Variants in FAM120A observed in about 807,000 individuals in gnomAD.
FAM120A encodes the protein family with sequence similarity 120 member A.
FAM120A carries 15 observed loss-of-function variants against 109.7 expected under a neutral mutation model. The observed-to-expected ratio is 0.14, with a 90% confidence interval of 0.09 to 0.21. FAM120A has a LOEUF of 0.21. Ranked by LOEUF, FAM120A falls within the 10% of genes least tolerant of loss-of-function variation. The pLI is 1.00. For synonymous variants in FAM120A, 493 were observed against 572.8 expected (o/e 0.86, Z 1.99); for missense variants, 899 against 1,439.3 (o/e 0.62, Z 6.07).
intron 12 of FAM120A, among the ~76,000 whole-genome samples, chr9:93,552,233 T>C (rs1055719804): frequency 6.6e-6 from 1 of 152,238 alleles, no homozygotes; most frequent in Non-Finnish European, 1.5e-5. Context: ...CATATCCTTT[T>C]CATTTTTGGA....
At chr9:93,554,838 C>T (rs1862239418) in intron 12 of FAM120A, among the ~76,000 whole-genome samples, 1 of 152,324 alleles carries the variant, frequency 6.6e-6, no homozygotes, top group South Asian at 2.1e-4. Context: ...TGGTGTAGGG[C>T]AGAGAGAGGG....
In FAM120A at chr9:93,550,676, G is replaced by C; in HGVS notation, c.2259G>C (p.Gln753His). ...ALSPKLYEPD[Q>H]LQELKIENLD... Reference sequence around the variant, plus strand: ...CCCCCAAACTCTACGAGCCTGATCAGCTCCAGGAGCTCAAGGTAATTTATC... The same window carrying C: ...CCCCCAAACTCTACGAGCCTGATCACCTCCAGGAGCTCAAGGTAATTTATC... The change falls in exon 12 of 18, where the codon CAG becomes CAC. Residue 753 changes from glutamine to histidine, a missense_variant. By Grantham distance (24) the Gln-to-His change is conservative. This residue lies in a region of FAM120A where 52 missense variants were observed against 49.7 expected (regional missense o/e 1.05). Transcript: ENST00000277165. 1 of 1,613,586 alleles carries C rather than the reference G, an allele frequency of 6.2e-7. No individual in the cohort carries two copies. The highest frequency in any genetic ancestry group is 8.5e-7 in the Non-Finnish European group (1 of 1,179,822).
At chr9:93,553,545 G>A (rs1392784710) in intron 12 of FAM120A, among the ~76,000 whole-genome samples, 1 of 152,200 alleles carries the variant, frequency 6.6e-6, no homozygotes, top group African/African-American at 2.4e-5. Flanking sequence ...CGGTCAGAGA[G>A]ATTAACTTCC....
chr9:93,493,304 C>G (rs115046917), intron 3 of FAM120A, among the ~76,000 whole-genome samples: 263 of 152,296 alleles, frequency 1.7e-3, no homozygotes, highest in Middle Eastern at 6.8e-3. Context: ...GTTCAAGTAA[C>G]AGCTCATAGA....
At chr9:93,474,429 G>T (rs4744242) in intron 2 of FAM120A, among the ~76,000 whole-genome samples, 39,959 of 151,974 alleles carry the variant, frequency 0.26, 6,486 homozygotes, top group East Asian at 0.43. Flanking sequence ...TTTCCCTTCT[G>T]TAATGGAAAG....
At chr9:93,453,178 G>A in intron 1 of FAM120A, 1 of 1,001,816 alleles carries the variant, frequency 1.0e-6, no homozygotes, top group Non-Finnish European at 1.2e-6. Flanking sequence ...CTACGCGGGC[G>A]TGAACTCGCA....
intron 11 of FAM120A, among the ~76,000 whole-genome samples, chr9:93,546,728 C>T (rs868140228): frequency 6.6e-6 from 1 of 152,238 alleles, no homozygotes; most frequent in Non-Finnish European, 1.5e-5. Flanking sequence ...GTCGGCAAGA[C>T]AGAAATGAAT....
chr9:93,534,492 G>A (rs1303482798), intron 10 of FAM120A, among the ~76,000 whole-genome samples: 1 of 152,144 alleles, frequency 6.6e-6, no homozygotes, highest in African/African-American at 2.4e-5. Flanking sequence ...GGAGGAAAGG[G>A]ACACAGGAGA....
chr9:93,466,429 A>G (rs1858021596), intron 1 of FAM120A, among the ~76,000 whole-genome samples: 6 of 151,992 alleles, frequency 3.9e-5, no homozygotes, highest in Admixed American at 3.9e-4. Context: ...CGTGTGACAC[A>G]TGCCATCCTT....
intron 1 of FAM120A, 77 bp from the exon 2 acceptor site, chr9:93,471,064 T>A: frequency 2.0e-6 from 3 of 1,520,478 alleles, no homozygotes; most frequent in Non-Finnish European, 2.7e-6. Context: ...TCAGCTTCTG[T>A]GCAAACATTT....
intron 10 of FAM120A, among the ~76,000 whole-genome samples, chr9:93,536,515 A>C (rs1861523219): frequency 6.6e-6 from 1 of 152,252 alleles, no homozygotes; most frequent in Admixed American, 6.5e-5. Flanking sequence ...TATCAGACAG[A>C]ACTATTCAAA....
chr9:93,473,108 G>A (rs577922335), intron 2 of FAM120A, among the ~76,000 whole-genome samples: 1 of 151,438 alleles, frequency 6.6e-6, no homozygotes, highest in East Asian at 1.9e-4. Context: ...ACCTCCACCT[G>A]CATGGTTCAA....
intron 2 of FAM120A, among the ~76,000 whole-genome samples, chr9:93,472,540 G>A (rs925703900): frequency 6.6e-6 from 1 of 152,204 alleles, no homozygotes; most frequent in Non-Finnish European, 1.5e-5. Context: ...TTGGGAAGCT[G>A]TGTGGTCTCT....
chr9:93,537,168 C>A (rs940252330), intron 10 of FAM120A, among the ~76,000 whole-genome samples: 3 of 152,212 alleles, frequency 2.0e-5, no homozygotes, highest in African/African-American at 7.2e-5. Context: ...CGAGTTTCTT[C>A]TACTCGTTCC....
intron 5 of FAM120A, among the ~76,000 whole-genome samples, chr9:93,511,180 T>A (rs1336681458): frequency 6.6e-6 from 1 of 152,176 alleles, no homozygotes; most frequent in African/African-American, 2.4e-5. Context: ...GCCTGTTCAC[T>A]GAGTTCATAA....
rs574367320 is a variant in FAM120A, at chr9:93,526,526, A to G, written c.1419-629A>G. On this transcript the variant is annotated intron_variant, in intron 7 of 17. Coordinates refer to ENST00000277165, the MANE Select transcript of FAM120A (RefSeq NM_014612.5). ...TCCTTATCCCCTTTTTTTTTTCACT[A>G]CTTTGTTAAATAAAGCCATCCTCCA... Among the ~76,000 whole-genome samples, 4 of 149,148 alleles carry G rather than the reference A, an allele frequency of 2.7e-5. No homozygotes were observed. The South Asian group carries it at 8.4e-4, about 31-fold the overall frequency.
At chr9:93,491,799 AATTT>A (rs1307553572) in intron 3 of FAM120A, among the ~76,000 whole-genome samples, 1 of 139,198 alleles carries the variant, frequency 7.2e-6, no homozygotes, top group African/African-American at 2.5e-5. Flanking sequence ...GATATGTCGC[AATTT>A]ATTTGACTTT....
intron 2 of FAM120A, among the ~76,000 whole-genome samples, chr9:93,472,644 A>AT (rs1240706985): frequency 6.6e-6 from 1 of 152,216 alleles, no homozygotes; most frequent in Admixed American, 6.5e-5. Flanking sequence ...ATTGTGGATT[A>AT]TTTTTAGAAA....
At chr9:93,495,627 CT>C (rs1278398846) in intron 3 of FAM120A, among the ~76,000 whole-genome samples, 1 of 152,190 alleles carries the variant, frequency 6.6e-6, no homozygotes, top group Non-Finnish European at 1.5e-5. Flanking sequence ...AGATACATCC[CT>C]TAATCAAAAA....
Sources: gnomAD v4.1 joint callset for allele counts (sites outside exome capture counted in the v4.1 genomes callset) on GRCh38, gnomAD v4.1.1 for gene constraint, gnomAD v4.1.1 regional missense constraint, MANE v1.5 for transcripts, NCBI Gene and HGNC (gene_info 2026-07-23, HGNC 2026-07-21) for gene names.